The following CDH10 variants were observed in gnomAD, a reference collection of about 807,000 sequenced individuals.
The protein encoded by CDH10 is cadherin 10, also known as cadherin-10.
CDH10 carries 30 observed loss-of-function variants against 73.1 expected under a neutral mutation model. That is an observed-to-expected ratio of 0.41 (90% confidence interval 0.31 to 0.56). CDH10 has a LOEUF of 0.56. CDH10 is among the 20% of genes least tolerant of loss of function. CDH10 has a pLI of 0.27. For missense variants in CDH10, 815 were observed against 973.7 expected (o/e 0.84, Z 2.17); for synonymous variants, 345 against 348.2 (o/e 0.99, Z 0.10).
intron 2 of CDH10, among the ~76,000 whole-genome samples, chr5:24,557,577 T>C (rs1744813535): frequency 1.3e-5 from 2 of 151,798 alleles, no homozygotes; most frequent in Admixed American, 1.3e-4. Context: ...TTAGCTAAGC[T>C]GTTTGCTTGC....
intron 2 of CDH10, among the ~76,000 whole-genome samples, chr5:24,562,795 T>A (rs1266742198): frequency 1.3e-5 from 2 of 149,962 alleles, no homozygotes; most frequent in African/African-American, 4.9e-5. Context: ...GTGTGCTAAT[T>A]GGAGATGGAA....
chr5:24,515,326 G>A (rs2111786313), intron 5 of CDH10, among the ~76,000 whole-genome samples: 1 of 152,224 alleles, frequency 6.6e-6, no homozygotes, highest in Non-Finnish European at 1.5e-5. Context: ...TTATGGAAAA[G>A]AAAATTCCAG....
chr5:24,528,454 T>C (rs1431830917), intron 5 of CDH10, among the ~76,000 whole-genome samples: 1 of 151,872 alleles, frequency 6.6e-6, no homozygotes, highest in African/African-American at 2.4e-5. Flanking sequence ...ATCAAATCTC[T>C]CTTGTACCAG....
Position 24,596,862 on chromosome 5 carries a change from T to G in CDH10, c.-123-3249A>C, listed in dbSNP as rs543029329. Among the ~76,000 whole-genome samples, 19 of 152,040 alleles carry G rather than the reference T, an allele frequency of 1.2e-4. No individual in the cohort carries two copies. In the South Asian group the frequency reaches 1.7e-3, roughly 13 times the overall value. On this transcript the variant is annotated intron_variant, in intron 1 of 11. Transcript: ENST00000264463. ...AAAAGCCTCTCTAAATATGTTGGAC[T>G]ATTTATGATGAGAAATAAAAGCTAA...
intron 1 of CDH10, among the ~76,000 whole-genome samples, chr5:24,605,047 T>C (rs1471030095): frequency 1.3e-5 from 2 of 152,016 alleles, no homozygotes; most frequent in African/African-American, 4.8e-5. Flanking sequence ...GGCAAAGAAC[T>C]TGAACAGACA....
intron 1 of CDH10, among the ~76,000 whole-genome samples, chr5:24,634,437 T>C (rs1192663861): frequency 4.0e-5 from 6 of 151,778 alleles, no homozygotes. Flanking sequence ...TGTGTAATAT[T>C]AATAGAATAT....
chr5:24,628,865 CACACACACAG>C (rs1218895035), intron 1 of CDH10, among the ~76,000 whole-genome samples: 15 of 149,334 alleles, frequency 1.0e-4, no homozygotes, highest in African/African-American at 3.5e-4. Flanking sequence ...CACACACACA[CACACACACAG>C]ACACACACAC....
intron 5 of CDH10, among the ~76,000 whole-genome samples, chr5:24,532,423 A>C (rs985788957): frequency 4.6e-5 from 7 of 152,220 alleles, no homozygotes; most frequent in Admixed American, 4.6e-4. Flanking sequence ...ATGACAATGA[A>C]AAATAGATGG....
intron 2 of CDH10, among the ~76,000 whole-genome samples, chr5:24,541,853 C>A (rs1744169894): frequency 6.6e-6 from 1 of 152,046 alleles, no homozygotes; most frequent in South Asian, 2.1e-4. Flanking sequence ...AAGGACATGG[C>A]AAGATACATG....
intron 1 of CDH10, among the ~76,000 whole-genome samples, chr5:24,639,045 T>G (rs1165832683): frequency 6.6e-6 from 1 of 151,644 alleles, no homozygotes; most frequent in African/African-American, 2.4e-5. Flanking sequence ...AAATACACTT[T>G]AGAGGTTGAA....
intron 2 of CDH10, among the ~76,000 whole-genome samples, chr5:24,546,035 A>G (rs1022476168): frequency 1.3e-5 from 2 of 152,144 alleles, no homozygotes; most frequent in Non-Finnish European, 2.9e-5. Context: ...GAGAAGGACT[A>G]GGCAGCAGAC....
At chr5:24,564,727 G>A (rs913209303) in intron 2 of CDH10, among the ~76,000 whole-genome samples, 1 of 152,128 alleles carries the variant, frequency 6.6e-6, no homozygotes, top group Admixed American at 6.5e-5. Flanking sequence ...TTTCTTCTAT[G>A]AGAGAAAGAA....
chr5:24,643,217 T>A (rs545904064), intron 1 of CDH10, among the ~76,000 whole-genome samples: 12 of 152,240 alleles, frequency 7.9e-5, no homozygotes, highest in Admixed American at 2.0e-4. Flanking sequence ...GACTTAGCAT[T>A]TACCTGTGTT....
At chr5:24,530,717 C>T (rs916878920) in intron 5 of CDH10, among the ~76,000 whole-genome samples, 1 of 151,812 alleles carries the variant, frequency 6.6e-6, no homozygotes, top group Non-Finnish European at 1.5e-5. Flanking sequence ...ATATTTAGAG[C>T]CCAAAGAGTA....
At chr5:24,637,331 A>T (rs1747897472) in intron 1 of CDH10, among the ~76,000 whole-genome samples, 1 of 151,988 alleles carries the variant, frequency 6.6e-6, no homozygotes, top group Non-Finnish European at 1.5e-5. Flanking sequence ...TTTCTTCAGC[A>T]GTATATCTAA....
intron 1 of CDH10, among the ~76,000 whole-genome samples, chr5:24,620,677 T>C (rs1276020491): frequency 6.6e-6 from 1 of 152,192 alleles, no homozygotes; most frequent in Non-Finnish European, 1.5e-5. Context: ...CTTTGGGAAA[T>C]CAACTTTGAA....
At chr5:24,488,266 T>G (rs1167499887) in intron 11 of CDH10, 113 bp from the exon 12 acceptor site, 3 of 916,452 alleles carry the variant, frequency 3.3e-6, no homozygotes, top group East Asian at 2.6e-5. Context: ...CAGCTTAGAC[T>G]TTCAGATTAA....
intron 1 of CDH10, among the ~76,000 whole-genome samples, chr5:24,634,443 A>G (rs1747805976): frequency 6.6e-6 from 1 of 151,786 alleles, no homozygotes; most frequent in Non-Finnish European, 1.5e-5. Context: ...ATATTAATAG[A>G]ATATTTTAAA....
intron 2 of CDH10, among the ~76,000 whole-genome samples, chr5:24,582,217 C>T (rs1745828575): frequency 6.6e-6 from 1 of 152,114 alleles, no homozygotes; most frequent in Admixed American, 6.6e-5. Flanking sequence ...ATTGATATTG[C>T]ATAACATATC....
Sources: gnomAD v4.1 joint callset for allele counts (sites outside exome capture counted in the v4.1 genomes callset) on GRCh38, gnomAD v4.1.1 for gene constraint, MANE v1.5 for transcripts, NCBI Gene and HGNC (gene_info 2026-07-23, HGNC 2026-07-21) for gene names.